The following ULK4 variants were observed in gnomAD, a reference collection of about 807,000 sequenced individuals.
ULK4 encodes inactive serine/threonine-protein kinase ULK4.
Under a neutral mutation model 160.6 loss-of-function variants are expected in ULK4, and 133 were observed. The ratio of observed to expected loss-of-function variants is 0.83; its 90% CI spans 0.72 to 0.96. The LOEUF (loss-of-function observed/expected upper bound fraction) is 0.96, where lower values mean the gene tolerates loss of function less well. ULK4 is among the 40% of genes least tolerant of loss of function. ULK4 has a pLI of 0.00. For synonymous variants in ULK4, 534 were observed against 539.8 expected (o/e 0.99, Z 0.15); for missense variants, 1,580 against 1,499.5 (o/e 1.05, Z -0.89).
intron 18 of ULK4, among the ~76,000 whole-genome samples, chr3:41,832,760 C>A (rs1445367826): frequency 1.3e-5 from 2 of 152,212 alleles, no homozygotes; most frequent in Non-Finnish European, 2.9e-5. Flanking sequence ...CTGCATATGG[C>A]TGGCCAGTTT....
At chr3:41,454,882 G>A (rs1053548536) in intron 34 of ULK4, among the ~76,000 whole-genome samples, 4 of 151,744 alleles carry the variant, frequency 2.6e-5, no homozygotes, top group Admixed American at 1.3e-4. Context: ...ATTTTTAGTA[G>A]AGACGGGGTT....
At chr3:41,543,477 G>A (rs1368334538) in intron 32 of ULK4, among the ~76,000 whole-genome samples, 1 of 152,140 alleles carries the variant, frequency 6.6e-6, no homozygotes, top group Non-Finnish European at 1.5e-5. Flanking sequence ...AGGGGCTAGA[G>A]AACACACTGT....
At chr3:41,706,761 GAGGTTGT>G (rs927771169) in intron 25 of ULK4, among the ~76,000 whole-genome samples, 35 of 150,786 alleles carry the variant, frequency 2.3e-4, no homozygotes, top group African/African-American at 8.0e-4. Context: ...CCAGGAAGCG[GAGGTTGT>G]AGTGAGCCAA....
intron 34 of ULK4, among the ~76,000 whole-genome samples, chr3:41,414,554 C>T (rs2082483389): frequency 6.6e-6 from 1 of 152,102 alleles, no homozygotes; most frequent in Non-Finnish European, 1.5e-5. Context: ...AAAATATTTA[C>T]TTTCAGAAAA....
At chr3:41,822,894 T>A (rs1368243661) in intron 18 of ULK4, among the ~76,000 whole-genome samples, 2 of 151,570 alleles carry the variant, frequency 1.3e-5, no homozygotes, top group Non-Finnish European at 2.9e-5. Context: ...GCTAATTTTT[T>A]TGTATTTTTA....
At chr3:41,515,986 G>C (rs1015499690) in intron 32 of ULK4, among the ~76,000 whole-genome samples, 4 of 152,108 alleles carry the variant, frequency 2.6e-5, no homozygotes, top group African/African-American at 9.7e-5. Flanking sequence ...TCTATTTGTT[G>C]ATTTTACAGT....
intron 35 of ULK4, among the ~76,000 whole-genome samples, chr3:41,285,477 A>C (rs2079438934): frequency 6.6e-6 from 1 of 152,196 alleles, no homozygotes; most frequent in Non-Finnish European, 1.5e-5. Flanking sequence ...ATTCTAAGTG[A>C]AGTAACTCAG....
At chr3:41,452,359 C>G (rs1490684670) in intron 34 of ULK4, among the ~76,000 whole-genome samples, 1 of 152,168 alleles carries the variant, frequency 6.6e-6, no homozygotes. Context: ...GACGCCTGTT[C>G]AACAAACAAT....
At chr3:41,860,251 T>C (rs1050780957) in intron 17 of ULK4, among the ~76,000 whole-genome samples, 53 of 152,220 alleles carry the variant, frequency 3.5e-4, no homozygotes, top group African/African-American at 1.3e-3. Flanking sequence ...TTTTTGTCTA[T>C]AGTGAAGATT....
intron 30 of ULK4, among the ~76,000 whole-genome samples, chr3:41,642,293 C>G (rs1023594729): frequency 6.6e-5 from 10 of 152,140 alleles, no homozygotes; most frequent in Non-Finnish European, 1.2e-4. Context: ...CACCTATTAA[C>G]TCGTCATTTA....
chr3:41,643,899 G>A (rs1273484507), intron 30 of ULK4, among the ~76,000 whole-genome samples: 1 of 151,896 alleles, frequency 6.6e-6, no homozygotes, highest in African/African-American at 2.4e-5. Flanking sequence ...CCTTGAAGAG[G>A]TCCTTCACAT....
In ULK4 at chr3:41,249,550, C is replaced by T. The variant is rs1258281564; in HGVS notation, c.3703G>A (p.Glu1235Lys). The T allele has an allele frequency of 1.9e-6, 3 of 1,613,952 alleles. No homozygotes were observed. Among genetic ancestry groups the T allele is most frequent in the African/African-American group, 1.3e-5 (1 of 74,928 alleles). ...AGGCTGCCTGCATTCTTGAGGCTCT[C>T]CAAGTGCTTCTCATTGGAGGTGATC... The part of the protein sequence containing the change: ...RMITSNEKHL[E>K]SLKNAGSLLR... Residue 1235 changes from glutamate to lysine, a missense_variant, in exon 36 of 37, where the codon GAG becomes AAG. Physicochemically the swap from Glu to Lys is moderately conservative, Grantham distance 56. Transcript: ENST00000301831.
intron 21 of ULK4, among the ~76,000 whole-genome samples, chr3:41,775,677 G>A (rs1434866371): frequency 6.6e-6 from 1 of 150,666 alleles, no homozygotes; most frequent in Non-Finnish European, 1.5e-5. Flanking sequence ...GGGATTACAG[G>A]CATGAGCCAC....
At chr3:41,860,944 C>T (rs887178306) in intron 17 of ULK4, among the ~76,000 whole-genome samples, 22 of 151,988 alleles carry the variant, frequency 1.4e-4, no homozygotes, top group Non-Finnish European at 2.5e-4. Flanking sequence ...ATGAGGCTTG[C>T]GAATACTATC....
intron 35 of ULK4, among the ~76,000 whole-genome samples, chr3:41,261,996 C>T (rs1207882213): frequency 5.9e-5 from 9 of 152,164 alleles, no homozygotes; most frequent in South Asian, 2.1e-4. Context: ...CATGATCACA[C>T]GTTAGAGACA....
At chr3:41,255,129 T>TACACACACACACACACACAC (rs369404667) in intron 35 of ULK4, among the ~76,000 whole-genome samples, 57 of 144,258 alleles carry the variant, frequency 4.0e-4, no homozygotes, top group African/African-American at 1.3e-3. Context: ...AAATTATGGC[T>TACACACACACACACACACAC]ACACACACAC....
chr3:41,757,694 T>C (rs1026246209), intron 21 of ULK4, among the ~76,000 whole-genome samples: 13 of 146,252 alleles, frequency 8.9e-5, no homozygotes, highest in Non-Finnish European at 4.5e-5. Context: ...AGTGCAGTGG[T>C]GCAATCTCGG....
intron 18 of ULK4, among the ~76,000 whole-genome samples, chr3:41,828,160 G>C (rs1415610615): frequency 1.4e-5 from 2 of 145,458 alleles, no homozygotes; most frequent in Admixed American, 6.9e-5. Context: ...AAAATAATAA[G>C]AGCTATCTAT....
intron 30 of ULK4, among the ~76,000 whole-genome samples, chr3:41,641,509 C>G (rs1313241408): frequency 6.6e-6 from 1 of 152,062 alleles, no homozygotes; most frequent in Non-Finnish European, 1.5e-5. Context: ...CCACTCTGGG[C>G]AACACAGGGA....
Sources: gnomAD v4.1 joint callset for allele counts (sites outside exome capture counted in the v4.1 genomes callset) on GRCh38, gnomAD v4.1.1 for gene constraint, MANE v1.5 for transcripts, NCBI Gene and HGNC (gene_info 2026-07-23, HGNC 2026-07-21) for gene names.